RIT2: variants seen among roughly 807,000 people sequenced by gnomAD.
RIT2 encodes GTP-binding protein Rit2.
Under a neutral mutation model 23.7 loss-of-function variants are expected in RIT2, and 24 were observed. The observed-to-expected ratio is 1.01, with a 90% CI of 0.73 to 1.43. The LOEUF (loss-of-function observed/expected upper bound fraction) is 1.43. RIT2 is among the 40% of genes most tolerant of loss of function. RIT2 has a pLI of 0.00. For missense variants in RIT2, 236 were observed against 266.9 expected (o/e 0.88, Z 0.81); for synonymous variants, 107 against 91.1 (o/e 1.17, Z -0.99).
intron 1 of RIT2, among the ~76,000 whole-genome samples, chr18:43,090,863 G>T (rs1357016492): frequency 1.3e-5 from 2 of 151,952 alleles, no homozygotes; most frequent in African/African-American, 2.4e-5. Flanking sequence ...CACCAGTGGG[G>T]CCTGTTGGAG....
intron 4 of RIT2, among the ~76,000 whole-genome samples, chr18:42,788,385 A>G (rs2143942234): frequency 6.6e-6 from 1 of 152,264 alleles, no homozygotes; most frequent in East Asian, 1.9e-4. Flanking sequence ...TAGTTTTCTG[A>G]AGTTCTATTG....
At chr18:43,100,635 A>T (rs184224043) in intron 1 of RIT2, among the ~76,000 whole-genome samples, 1 of 152,290 alleles carries the variant, frequency 6.6e-6, no homozygotes, top group Admixed American at 6.5e-5. Context: ...TTTTGAAAAA[A>T]GGACACCTCT....
chr18:43,051,875 T>A (rs1051891393), intron 1 of RIT2, among the ~76,000 whole-genome samples: 1 of 152,152 alleles, frequency 6.6e-6, no homozygotes, highest in East Asian at 1.9e-4. Context: ...TCTTCCCAGA[T>A]AAAATTCCTA....
At chr18:43,015,940 A>G (rs181520554) in intron 2 of RIT2, among the ~76,000 whole-genome samples, 1 of 151,926 alleles carries the variant, frequency 6.6e-6, no homozygotes, top group Admixed American at 6.6e-5. Context: ...TCTATCTTAA[A>G]CAGTCTCCTA....
At chr18:43,057,305 G>A (rs1465440852) in intron 1 of RIT2, among the ~76,000 whole-genome samples, 3 of 152,182 alleles carry the variant, frequency 2.0e-5, no homozygotes, top group East Asian at 1.9e-4. Flanking sequence ...AAATCACAGA[G>A]GCCTGTAGCC....
At chr18:43,013,144 A>G (rs1911389602) in intron 2 of RIT2, among the ~76,000 whole-genome samples, 6 of 151,826 alleles carry the variant, frequency 4.0e-5, no homozygotes. Context: ...CAGTTGAGTC[A>G]TATTTTGAAA....
intron 4 of RIT2, among the ~76,000 whole-genome samples, chr18:42,767,532 ACTTGC>A (rs1268526690): frequency 6.6e-6 from 1 of 152,188 alleles, no homozygotes; most frequent in African/African-American, 2.4e-5. Flanking sequence ...GGCTGAAGGT[ACTTGC>A]CTTGTCTCAG....
chr18:43,024,062 T>C (rs181511474), intron 2 of RIT2, among the ~76,000 whole-genome samples: 167 of 152,220 alleles, frequency 1.1e-3, no homozygotes, highest in Non-Finnish European at 2.1e-3. Context: ...AAAAGTCAGA[T>C]GGTCAAGGTA....
rs1410878082 is a variant in RIT2, at chr18:43,109,529, C to T, written c.103+5888G>A. On this transcript the variant is annotated intron_variant, in intron 1 of 4. Coordinates refer to ENST00000326695, the MANE Select transcript of RIT2 (RefSeq NM_002930.4). ...CCTTGGATCTCCCCATACTTTTCTT[C>T]TTCAGCATCAAAAAAATCCTCCTCA... Among the ~76,000 whole-genome samples, 6 of 152,264 alleles carry T rather than the reference C, an allele frequency of 3.9e-5. No individual in the cohort carries two copies. In the East Asian group the frequency reaches 9.7e-4, roughly 25 times the overall value.
At chr18:42,938,959 T>A (rs1429733027) in intron 3 of RIT2, among the ~76,000 whole-genome samples, 5 of 152,130 alleles carry the variant, frequency 3.3e-5, no homozygotes, top group Admixed American at 2.0e-4. Flanking sequence ...TTACCCAAGC[T>A]GGTCTCAAAC....
intron 4 of RIT2, among the ~76,000 whole-genome samples, chr18:42,898,667 A>G (rs1644667380): frequency 6.6e-6 from 1 of 152,102 alleles, no homozygotes; most frequent in Non-Finnish European, 1.5e-5. Flanking sequence ...TCCTTTAAGC[A>G]TTTTTTCCTG....
intron 3 of RIT2, among the ~76,000 whole-genome samples, chr18:42,963,911 G>T (rs539710478): frequency 5.3e-5 from 8 of 151,140 alleles, no homozygotes; most frequent in African/African-American, 1.9e-4. Flanking sequence ...ATAATAACAG[G>T]CTGGGCATGA....
intron 1 of RIT2, among the ~76,000 whole-genome samples, chr18:43,111,708 G>T (rs1047739551): frequency 6.6e-6 from 1 of 152,044 alleles, no homozygotes; most frequent in Non-Finnish European, 1.5e-5. Flanking sequence ...CCTCCTAAAT[G>T]TCTGCTACTT....
intron 1 of RIT2, among the ~76,000 whole-genome samples, chr18:43,068,713 ATG>A (rs1912831153): frequency 1.3e-5 from 2 of 152,272 alleles, no homozygotes; most frequent in East Asian, 3.9e-4. Flanking sequence ...TGGAATTTAA[ATG>A]ATATTACAAT....
At chr18:43,054,542 A>C (rs1427062079) in intron 1 of RIT2, among the ~76,000 whole-genome samples, 3 of 152,074 alleles carry the variant, frequency 2.0e-5, no homozygotes, top group African/African-American at 7.2e-5. Context: ...GAGGAGACAA[A>C]TGATATCTGT....
intron 2 of RIT2, among the ~76,000 whole-genome samples, chr18:42,978,238 G>A (rs1910516973): frequency 6.6e-6 from 1 of 151,362 alleles, no homozygotes; most frequent in African/African-American, 2.4e-5. Context: ...CTTGGGATCA[G>A]AAAATCCCTT....
At chr18:42,943,095 T>C (rs560729167) in intron 3 of RIT2, among the ~76,000 whole-genome samples, 1 of 152,040 alleles carries the variant, frequency 6.6e-6, no homozygotes, top group Non-Finnish European at 1.5e-5. Flanking sequence ...CTCCTACAGG[T>C]GGAAGGGGAC....
At position 43,033,873 on chromosome 18, in the gene RIT2, A is replaced by AG. The variant is rs766505085; in HGVS notation, c.104-7dup. The AG allele has an allele frequency of 3.2e-5, 51 of 1,594,194 alleles. No homozygotes were observed. The highest frequency in any genetic ancestry group is 2.4e-4 in the Admixed American group (14 of 59,474). ...AATAAACTGCATTGTCATTGCTGAA[A>AG]GAAAAAAAACACATTTTGTTTAATA... is the stretch of plus-strand genomic sequence containing the variant. On this transcript the variant is annotated splice_polypyrimidine_tract_variant and splice_region_variant and intron_variant, in intron 1 of 4. Transcript: ENST00000326695.
chr18:42,779,976 T>G (rs560264173), intron 4 of RIT2, among the ~76,000 whole-genome samples: 1 of 151,018 alleles, frequency 6.6e-6, no homozygotes, highest in African/African-American at 2.4e-5. Flanking sequence ...AACTATGATA[T>G]GATAGTTATA....
Sources: allele counts gnomAD v4.1 joint callset (sites outside exome capture counted in the v4.1 genomes callset), GRCh38; gene constraint gnomAD v4.1.1; transcripts MANE v1.5; gene names NCBI Gene and HGNC (gene_info 2026-07-23, HGNC 2026-07-21).